NUDT9: variants seen among roughly 807,000 people sequenced by gnomAD.
The protein encoded by NUDT9 is ADP-ribose pyrophosphatase.
Under a neutral mutation model 41.0 loss-of-function variants are expected in NUDT9, and 31 were observed. That is an observed-to-expected ratio of 0.76 (90% CI 0.57 to 1.02). The LOEUF (loss-of-function observed/expected upper bound fraction) is 1.02. Among genes scored for constraint, NUDT9 ranks in the 50% least tolerant of loss-of-function variants. NUDT9 has a pLI of 0.00. For synonymous variants in NUDT9, 146 were observed against 147.6 expected (o/e 0.99, Z 0.08); for missense variants, 380 against 431.4 (o/e 0.88, Z 1.06).
At chr4:87,453,359 A>G (rs551518415) in intron 6 of NUDT9, among the ~76,000 whole-genome samples, 30 of 152,212 alleles carry the variant, frequency 2.0e-4, no homozygotes, top group Middle Eastern at 3.2e-3. Flanking sequence ...ATGGACTCTT[A>G]AAAAATCATA....
chr4:87,451,560 T>C, intron 5 of NUDT9, 29 bp from the exon 6 acceptor site: 1 of 1,593,838 alleles, frequency 6.3e-7, no homozygotes, highest in South Asian at 1.1e-5. Flanking sequence ...GCTGATCCCT[T>C]TTTTCAAAAT....
chr4:87,435,206 A>C lies in NUDT9; in HGVS notation c.333A>C (p.Ala111=). ...CTGTCTTGGCTGGACCCAGGTGGGCAGATCCTCAGATCAGGTGAGCAAATA... is the reference window on the plus strand; with the variant it reads ...CTGTCTTGGCTGGACCCAGGTGGGCCGATCCTCAGATCAGGTGAGCAAATA... The part of the protein sequence containing the change: ...AVSVLAGPRW[A]DPQISESNFS... The change falls in exon 2 of 8, where the codon GCA becomes GCC. Residue 111 remains alanine (A), a synonymous_variant. Coordinates refer to ENST00000302174, the MANE Select transcript of NUDT9 (RefSeq NM_024047.5). 6.2e-7 allele frequency: 1 copy of C among 1,612,772 alleles called. No homozygotes were observed. The highest frequency in any genetic ancestry group is 8.5e-7 in the Non-Finnish European group (1 of 1,179,122).
At chr4:87,453,249 A>C (rs941321156) in intron 6 of NUDT9, among the ~76,000 whole-genome samples, 2 of 152,202 alleles carry the variant, frequency 1.3e-5, no homozygotes, top group African/African-American at 4.8e-5. Context: ...TTAATAGCTT[A>C]AGTAGTAATC....
chr4:87,458,199 A>C lies in NUDT9; in HGVS notation c.*178A>C. On this transcript the variant is annotated 3_prime_UTR_variant, in exon 8 of 8. Coordinates refer to ENST00000302174, the MANE Select transcript of NUDT9 (RefSeq NM_024047.5). ...TAACATGAGTAAGATGAACTGGAAC[A>C]CAAAATTTTCAGCTCTTTGGTCAAA... The C allele has an allele frequency of 2.2e-6, 1 of 454,682 alleles. No individual in the cohort carries two copies. Among genetic ancestry groups the C allele is most frequent in the Non-Finnish European group, 3.7e-6 (1 of 273,186 alleles). The allele number at this position is 454,682 out of a possible 1,614,324, so 28.2% of individuals were successfully genotyped here.
chr4:87,451,154 T>C (rs1390661950), intron 5 of NUDT9, among the ~76,000 whole-genome samples: 1 of 152,074 alleles, frequency 6.6e-6, no homozygotes, highest in Non-Finnish European at 1.5e-5. Flanking sequence ...CATGCAGATA[T>C]CTAGAGAAAA....
Position 87,457,478 on chromosome 4 carries a change from C to G in NUDT9, c.875-365C>G, listed in dbSNP as rs138212179. Reference sequence around the variant, plus strand: ...TCTCGAACTCCTGACCTCAGGTGATCTACCCGCCTCAGCTTTGTTTATTTT... The same window carrying G: ...TCTCGAACTCCTGACCTCAGGTGATGTACCCGCCTCAGCTTTGTTTATTTT... On this transcript the variant is annotated intron_variant, in intron 7 of 7. Coordinates refer to ENST00000302174, the MANE Select transcript of NUDT9 (RefSeq NM_024047.5). Among the ~76,000 whole-genome samples the G allele has an allele frequency of 4.0e-3, 614 of 152,142 alleles. 4 individuals are homozygous for G. The highest frequency in any genetic ancestry group is 0.014 in the African/African-American group (587 of 41,514).
chr4:87,426,494 G>C (rs1326033678), intron 1 of NUDT9, among the ~76,000 whole-genome samples: 1 of 151,316 alleles, frequency 6.6e-6, no homozygotes, highest in Non-Finnish European at 1.5e-5. Context: ...TCTGCAACTT[G>C]TGCCTCCAGG....
Position 87,426,945 on chromosome 4 carries a change from A to C in NUDT9, c.107+3933A>C, listed in dbSNP as rs571405440. ...AAACCACTCCCTTGCCAAAAAAAAA[A>C]ACAAAAAACTAAACCAAAAAAAAAA... is the stretch of plus-strand genomic sequence containing the variant. On this transcript the variant is annotated intron_variant, in intron 1 of 7. Transcript: ENST00000302174. Among the ~76,000 whole-genome samples the C allele has an allele frequency of 4.9e-3, 747 of 151,100 alleles. 3 individuals carry two copies. Among genetic ancestry groups the C allele is most frequent in the African/African-American group, 0.011 (465 of 41,186 alleles).
chr4:87,450,497 G>A (rs1395465127), intron 5 of NUDT9, among the ~76,000 whole-genome samples: 1 of 147,890 alleles, frequency 6.8e-6, no homozygotes, highest in Admixed American at 6.9e-5. Context: ...CCCTGCCTCA[G>A]CCTCCCGAGT....
chr4:87,453,874 T>C (rs1294178184), intron 6 of NUDT9, among the ~76,000 whole-genome samples: 3 of 151,086 alleles, frequency 2.0e-5, no homozygotes, highest in Admixed American at 6.6e-5. Flanking sequence ...TTTTTTTTTT[T>C]TTGAGACAGA....
intron 2 of NUDT9, among the ~76,000 whole-genome samples, chr4:87,435,841 G>A (rs947753498): frequency 6.6e-6 from 1 of 152,074 alleles, no homozygotes; most frequent in African/African-American, 2.4e-5. Context: ...TATATTTAAG[G>A]TGTACAATGT....
intron 6 of NUDT9, among the ~76,000 whole-genome samples, chr4:87,452,466 C>A (rs998899319): frequency 6.6e-6 from 1 of 151,568 alleles, no homozygotes; most frequent in East Asian, 2.0e-4. Context: ...TGTCCATATA[C>A]CCTCTGTGAT....
rs1193688335 is a variant in NUDT9, at chr4:87,458,381, C to T, written c.*360C>T. 6.2e-6 allele frequency: 1 copy of T among 160,408 alleles called. No homozygotes were observed. Among genetic ancestry groups the T allele is most frequent in the East Asian group, 1.8e-4 (1 of 5,636 alleles). The allele number at this position is 160,408 out of a possible 1,614,324, so 9.9% of individuals were successfully genotyped here. A position where few individuals can be genotyped will look rare whatever the true frequency, so the allele number is the denominator to read the frequency against. The stretch of plus-strand genomic sequence containing the variant: ...TCATCTAGTTCTTGTTTGTCAATGC[C>T]TTCCCTCCCGCTCCCCATCTTCTGA... On this transcript the variant is annotated 3_prime_UTR_variant, in exon 8 of 8. Transcript: ENST00000302174.
chr4:87,452,356 T>C (rs554369905), intron 6 of NUDT9, among the ~76,000 whole-genome samples: 4 of 152,332 alleles, frequency 2.6e-5, no homozygotes, highest in South Asian at 4.1e-4. Flanking sequence ...GCTTTTTGTA[T>C]GTGCATGAAT....
At chr4:87,425,359 C>G (rs1721361874) in intron 1 of NUDT9, among the ~76,000 whole-genome samples, 1 of 150,552 alleles carries the variant, frequency 6.6e-6, no homozygotes, top group African/African-American at 2.4e-5. Flanking sequence ...GCCTGAGTGG[C>G]ACAGCAAGAC....
rs756737123 is a variant in NUDT9, at chr4:87,438,383, GGAGCA to G, written c.443+17_443+21del. ...AAATGGAAGACCGAGGTAGGTACTGGGAGCAGAGCATCTTACAATAATGAGTCACC... is the reference window on the plus strand; with the variant it reads ...AAATGGAAGACCGAGGTAGGTACTGGGAGCATCTTACAATAATGAGTCACC... On this transcript the variant is annotated intron_variant, in intron 3 of 7. Coordinates refer to ENST00000302174, the MANE Select transcript of NUDT9 (RefSeq NM_024047.5). 3.3e-5 allele frequency: 49 copies of G among 1,476,372 alleles called. 1 individual carries two copies. In the Middle Eastern group the frequency reaches 6.9e-4, roughly 21 times the overall value. 91.5% of individuals were successfully genotyped at this position (1,476,372 alleles called of 1,614,324 possible).
intron 3 of NUDT9, among the ~76,000 whole-genome samples, chr4:87,438,928 A>T (rs912766901): frequency 6.6e-6 from 1 of 152,104 alleles, no homozygotes; most frequent in Non-Finnish European, 1.5e-5. Flanking sequence ...GCACTTTGGG[A>T]GGCTGAGGTG....
intron 5 of NUDT9, among the ~76,000 whole-genome samples, chr4:87,451,299 A>G (rs527350900): frequency 6.6e-6 from 1 of 152,284 alleles, no homozygotes; most frequent in Admixed American, 6.5e-5. Context: ...GTGCTGTGTT[A>G]TTTCTAACCT....
chr4:87,428,895 G>A (rs1437584833), intron 1 of NUDT9, among the ~76,000 whole-genome samples: 1 of 152,064 alleles, frequency 6.6e-6, no homozygotes, highest in Non-Finnish European at 1.5e-5. Context: ...CTACATTGAC[G>A]CTTCATCACC....
Sources: gnomAD v4.1 joint callset for allele counts (sites outside exome capture counted in the v4.1 genomes callset) on GRCh38, gnomAD v4.1.1 for gene constraint, MANE v1.5 for transcripts, NCBI Gene and HGNC (gene_info 2026-07-23, HGNC 2026-07-21) for gene names.